The following PLEKHA5 variants were observed in gnomAD, a reference collection of about 807,000 sequenced individuals.
The protein encoded by PLEKHA5 is pleckstrin homology domain containing A5.
Under a neutral mutation model 181.9 loss-of-function variants are expected in PLEKHA5, and 55 were observed. That is an observed-to-expected ratio of 0.30 (90% CI 0.24 to 0.38). The LOEUF (loss-of-function observed/expected upper bound fraction) is 0.38, where lower values mean the gene tolerates loss of function less well. PLEKHA5 is among the 10% of genes least tolerant of loss of function. PLEKHA5 has a pLI of 1.00. For synonymous variants in PLEKHA5, 535 were observed against 529.4 expected (o/e 1.01, Z -0.15); for missense variants, 1,432 against 1,549.5 (o/e 0.92, Z 1.27).
chr12:19,274,385 T>C, intron 10 of PLEKHA5, 131 bp from the exon 11 acceptor site: 1 of 625,504 alleles, frequency 1.6e-6, no homozygotes. Flanking sequence ...TTGTGTAGAC[T>C]TGTCCACTGT....
At chr12:19,333,734 A>G (rs2093085839) in intron 20 of PLEKHA5, among the ~76,000 whole-genome samples, 1 of 149,156 alleles carries the variant, frequency 6.7e-6, no homozygotes, top group African/African-American at 2.5e-5. Flanking sequence ...TCGGCCTCCC[A>G]AGTAGCTGGG....
At chr12:19,261,931 T>A (rs7979972) in intron 7 of PLEKHA5, among the ~76,000 whole-genome samples, 1 of 152,046 alleles carries the variant, frequency 6.6e-6, no homozygotes, top group South Asian at 2.1e-4. Flanking sequence ...CATCTGCAAA[T>A]TGTAGTTGAG....
intron 3 of PLEKHA5, among the ~76,000 whole-genome samples, chr12:19,157,056 C>CA (rs200353911): frequency 5.2e-4 from 74 of 141,844 alleles, no homozygotes; most frequent in Non-Finnish European, 8.4e-4. Flanking sequence ...AATCTGTCTC[C>CA]AAAAAAAACC....
intron 3 of PLEKHA5, among the ~76,000 whole-genome samples, chr12:19,172,747 A>G (rs959977527): frequency 6.6e-6 from 1 of 152,096 alleles, no homozygotes; most frequent in African/African-American, 2.4e-5. Context: ...TTTTCAGATG[A>G]TACACCTGAA....
Position 19,344,605 on chromosome 12 carries a change from G to A in PLEKHA5, c.2662+1171G>A, listed in dbSNP as rs183800142. ...TGTTAGTACTTAATGGATTTTAAAA[G>A]GTGAGAAATAAGCACATGTTTTCCA... is the stretch of plus-strand genomic sequence containing the variant. On this transcript the variant is annotated intron_variant, in intron 22 of 31. Coordinates refer to ENST00000429027, the MANE Select transcript of PLEKHA5 (RefSeq NM_001256470.2). Among the ~76,000 whole-genome samples, 371 of 152,224 alleles carry A rather than the reference G, an allele frequency of 2.4e-3. 2 individuals are homozygous for A. Among genetic ancestry groups the A allele is most frequent in the African/African-American group, 8.5e-3 (352 of 41,538 alleles).
intron 3 of PLEKHA5, among the ~76,000 whole-genome samples, chr12:19,143,071 A>G (rs953391110): frequency 5.3e-5 from 8 of 152,182 alleles, no homozygotes; most frequent in African/African-American, 1.7e-4. Context: ...TATTGTCAGT[A>G]ATGCTGCAGT....
intron 20 of PLEKHA5, among the ~76,000 whole-genome samples, chr12:19,331,713 C>T (rs189766916): frequency 1.3e-5 from 2 of 152,206 alleles, no homozygotes; most frequent in Non-Finnish European, 2.9e-5. Flanking sequence ...ATACCCTAAA[C>T]TTAGACAATT....
intron 25 of PLEKHA5, among the ~76,000 whole-genome samples, chr12:19,351,110 A>G (rs1287983554): frequency 6.6e-6 from 1 of 151,830 alleles, no homozygotes; most frequent in Admixed American, 6.6e-5. Flanking sequence ...TAATTTTTGT[A>G]TTTATTGTAG....
Position 19,306,958 on chromosome 12 carries a change from C to A in PLEKHA5, c.2038-7856C>A, listed in dbSNP as rs935079853. 7.5e-5 allele frequency: 94 copies of A among 1,247,588 alleles called. No individual in the cohort carries two copies. In the East Asian group the frequency reaches 2.2e-3, roughly 29 times the overall value. 77.3% of individuals were successfully genotyped at this position (1,247,588 alleles called of 1,614,324 possible). Reference sequence around the variant, plus strand: ...GCTTGGTGTTGGGCTCCTGCCTACTCCTAACCCACTTACTCAGACTGGCGC... The same window carrying A: ...GCTTGGTGTTGGGCTCCTGCCTACTACTAACCCACTTACTCAGACTGGCGC... On this transcript the variant is annotated intron_variant, in intron 15 of 31. Transcript: ENST00000429027.
intron 26 of PLEKHA5, among the ~76,000 whole-genome samples, chr12:19,355,727 A>T (rs999759535): frequency 2.0e-5 from 3 of 152,182 alleles, no homozygotes; most frequent in African/African-American, 7.2e-5. Flanking sequence ...ATATATCAGC[A>T]TTAACATTAA....
intron 15 of PLEKHA5, among the ~76,000 whole-genome samples, chr12:19,309,621 C>G (rs1424888028): frequency 3.5e-4 from 53 of 152,080 alleles, no homozygotes; most frequent in Non-Finnish European, 7.4e-5. Context: ...TGGTAGGCGC[C>G]TGTAATCCCA....
In PLEKHA5 at chr12:19,283,506, C is replaced by T; in HGVS notation, c.1540C>T (p.Gln514Ter). 6.2e-7 allele frequency: 1 copy of T among 1,614,124 alleles called. No homozygotes were observed. The highest frequency in any genetic ancestry group is 8.5e-7 in the Non-Finnish European group (1 of 1,179,982). ...AATGTGGCAGCTCTACGAATGGCAG[C>T]AGCGTCAGTTTTATAACAAACAGAG... ...DTMWQLYEWQ[Q>*]RQFYNKQSTL... is the part of the protein sequence containing the mutation. Residue 514 changes from glutamine (Q) to a stop codon, truncating the protein, a stop_gained, in exon 12 of 32, where the codon CAG becomes TAG. Transcript: ENST00000429027. LOFTEE classifies it high-confidence loss of function.
intron 26 of PLEKHA5, among the ~76,000 whole-genome samples, chr12:19,355,334 T>G (rs555131479): frequency 2.0e-5 from 3 of 150,522 alleles, no homozygotes; most frequent in Admixed American, 6.7e-5. Flanking sequence ...ATATAAGATA[T>G]ATGGCTAGTC....
intron 3 of PLEKHA5, among the ~76,000 whole-genome samples, chr12:19,138,550 G>A (rs1173729748): frequency 1.3e-5 from 2 of 150,836 alleles, no homozygotes; most frequent in Non-Finnish European, 3.0e-5. Flanking sequence ...TCCAGCCTGG[G>A]TGACAGAGTA....
chr12:19,187,744 A>G (rs1048684989), intron 3 of PLEKHA5, among the ~76,000 whole-genome samples: 1 of 152,228 alleles, frequency 6.6e-6, no homozygotes, highest in Non-Finnish European at 1.5e-5. Context: ...TAGGAAAAGA[A>G]TGGTAATTGA....
At position 19,199,278 on chromosome 12, in the gene PLEKHA5, C is replaced by CT. The variant is rs147951446; in HGVS notation, c.228-54655dup. ...ATTTAAAAATCAAAATACTTGTTTT[C>CT]TTTTTTTGAAAAAATGCCTTCTGTA... On this transcript the variant is annotated intron_variant, in intron 3 of 31. Transcript: ENST00000429027. Among the ~76,000 whole-genome samples, 478 of 151,998 alleles carry CT rather than the reference C, an allele frequency of 3.1e-3. 4 individuals are homozygous for CT. Among genetic ancestry groups the CT allele is most frequent in the African/African-American group, 0.011 (460 of 41,518 alleles).
In PLEKHA5 at chr12:19,198,847, A is replaced by AT. The variant is rs527937714; in HGVS notation, c.228-55086dup. ...GCAGAATGCAGGAATAGTTATCCCC[A>AT]TTTTTTTATTTACATAGTGAAATAT... On this transcript the variant is annotated intron_variant, in intron 3 of 31. Coordinates refer to ENST00000429027, the MANE Select transcript of PLEKHA5 (RefSeq NM_001256470.2). 9.2e-5 allele frequency among the ~76,000 whole-genome samples: 14 copies of AT among 152,146 alleles called. No individual in the cohort carries two copies. In the South Asian group the frequency reaches 2.7e-3, roughly 29 times the overall value.
chr12:19,165,346 G>T (rs1475487981), intron 3 of PLEKHA5, among the ~76,000 whole-genome samples: 1 of 151,976 alleles, frequency 6.6e-6, no homozygotes, highest in African/African-American at 2.4e-5. Context: ...GTGCATCTTT[G>T]CAGCTAATAC....
chr12:19,146,019 G>C (rs1303654516), intron 3 of PLEKHA5, among the ~76,000 whole-genome samples: 1 of 152,060 alleles, frequency 6.6e-6, no homozygotes, highest in African/African-American at 2.4e-5. Context: ...GATTCAAAAA[G>C]CCCCAAATGA....
Sources: allele counts gnomAD v4.1 joint callset (sites outside exome capture counted in the v4.1 genomes callset), GRCh38; gene constraint gnomAD v4.1.1; transcripts MANE v1.5; gene names NCBI Gene and HGNC (gene_info 2026-07-23, HGNC 2026-07-21).